Variants in TTC7B observed in about 807,000 individuals in gnomAD.
TTC7B encodes tetratricopeptide repeat domain 7B.
TTC7B carries 28 observed loss-of-function variants against 106.8 expected under a neutral mutation model. The observed-to-expected ratio is 0.26, with a 90% confidence interval of 0.19 to 0.36. The LOEUF (loss-of-function observed/expected upper bound fraction) is 0.36. Among genes scored for constraint, TTC7B ranks in the 10% least tolerant of loss-of-function variants. The pLI, the probability that TTC7B is intolerant of heterozygous loss-of-function variation, is 1.00. For missense variants in TTC7B, 862 were observed against 1,076.4 expected (o/e 0.80, Z 2.79); for synonymous variants, 405 against 430.6 (o/e 0.94, Z 0.74).
At chr14:90,571,200 C>T (rs1891020900) in intron 19 of TTC7B, among the ~76,000 whole-genome samples, 1 of 152,166 alleles carries the variant, frequency 6.6e-6, no homozygotes, top group Admixed American at 6.5e-5. Context: ...AAAGGTAATC[C>T]TTAAGCCAAG....
At chr14:90,628,790 T>A (rs1322442061) in intron 15 of TTC7B, among the ~76,000 whole-genome samples, 1 of 152,244 alleles carries the variant, frequency 6.6e-6, no homozygotes, top group Admixed American at 6.5e-5. Context: ...ATTTCCTGCC[T>A]TCTCTGCCTT....
At chr14:90,581,624 G>A (rs1891493262) in intron 18 of TTC7B, among the ~76,000 whole-genome samples, 1 of 152,140 alleles carries the variant, frequency 6.6e-6, no homozygotes, top group Non-Finnish European at 1.5e-5. Context: ...TCCTGGAGAT[G>A]CTGTGGGCTG....
intron 4 of TTC7B, among the ~76,000 whole-genome samples, chr14:90,738,053 C>T (rs1889614091): frequency 6.6e-6 from 1 of 152,038 alleles, no homozygotes; most frequent in African/African-American, 2.4e-5. Context: ...ATGTTAAAAA[C>T]CACTGTACAA....
At chr14:90,779,001 G>C (rs1891123520) in intron 3 of TTC7B, among the ~76,000 whole-genome samples, 1 of 152,220 alleles carries the variant, frequency 6.6e-6, no homozygotes, top group Admixed American at 6.5e-5. Flanking sequence ...ATCTCAGCCA[G>C]AAAGTGCTGG....
intron 3 of TTC7B, among the ~76,000 whole-genome samples, chr14:90,758,390 A>C (rs1483979567): frequency 2.7e-5 from 3 of 109,286 alleles, no homozygotes; most frequent in Admixed American, 9.3e-5. Context: ...GAGACGGGGC[A>C]AGAGAGTGGG....
rs545487668 is a variant in TTC7B at position 90,752,971 on chromosome 14, C to G, written c.446-8049G>C. ...AAGAACTGCATCACCCTAGGCAATTCCCCAGATCGCTGGGCCTCCTATTCT... is the reference window on the plus strand; with the variant it reads ...AAGAACTGCATCACCCTAGGCAATTGCCCAGATCGCTGGGCCTCCTATTCT... On this transcript the variant is annotated intron_variant, in intron 3 of 19. Coordinates refer to ENST00000328459, the MANE Select transcript of TTC7B (RefSeq NM_001010854.2). Among the ~76,000 whole-genome samples the G allele has an allele frequency of 2.0e-5, 3 of 152,316 alleles. No homozygotes were observed. In the South Asian group the frequency reaches 6.2e-4, roughly 32 times the overall value.
At chr14:90,556,915 CGGG>C (rs952685454) in intron 19 of TTC7B, among the ~76,000 whole-genome samples, 1 of 152,074 alleles carries the variant, frequency 6.6e-6, no homozygotes, top group Non-Finnish European at 1.5e-5. Context: ...AGCCAGGGAA[CGGG>C]GGGGACATGG....
At chr14:90,636,205 C>G (rs1040084822) in intron 15 of TTC7B, among the ~76,000 whole-genome samples, 1 of 151,494 alleles carries the variant, frequency 6.6e-6, no homozygotes, top group Non-Finnish European at 1.5e-5. Flanking sequence ...TGTATACTCA[C>G]ACACATGCAC....
At chr14:90,652,989 G>T (rs1595248569) in intron 12 of TTC7B, 91 bp from the exon 13 acceptor site, 3 of 1,350,692 alleles carry the variant, frequency 2.2e-6, no homozygotes, top group Non-Finnish European at 3.2e-6. Flanking sequence ...CATTCAACTG[G>T]ATTAAAAGCA....
rs1008834348 is a variant in TTC7B, at chr14:90,552,825, C to T, written c.2311-11236G>A. 2.0e-5 allele frequency among the ~76,000 whole-genome samples: 3 copies of T among 152,194 alleles called. No homozygotes were observed. In the South Asian group the frequency reaches 6.2e-4, roughly 32 times the overall value. On this transcript the variant is annotated intron_variant, in intron 19 of 19. Transcript: ENST00000328459. The stretch of plus-strand genomic sequence containing the variant: ...TCGAACACGGAAGGCAAATCTCCTC[C>T]AGTCCCCATGGCTGCCACCTCCCTG...
intron 5 of TTC7B, among the ~76,000 whole-genome samples, chr14:90,703,651 G>T (rs751671146): frequency 2.0e-5 from 3 of 152,238 alleles, no homozygotes; most frequent in Non-Finnish European, 4.4e-5. Context: ...AGCCAAGCAG[G>T]TAGCAGAGGT....
Position 90,657,310 on chromosome 14 carries a change from C to CA in TTC7B, c.1237-33dup, listed in dbSNP as rs1566821937. The CA allele has an allele frequency of 5.0e-6, 8 of 1,605,834 alleles. No individual in the cohort carries two copies. Among genetic ancestry groups the CA allele is most frequent in the Non-Finnish European group, 6.8e-6 (8 of 1,175,986 alleles). On this transcript the variant is annotated intron_variant, in intron 10 of 19. Transcript: ENST00000328459. This position sits in a 1 kb window ranked among gnomAD's most constrained non-coding sequence, Gnocchi z 4.2. Reference sequence around the variant, plus strand: ...AAGAGAAGATTATTTCCGTGAAACTCAAAGTGTTTGACAGAACCGAATACT... The same window carrying CA: ...AAGAGAAGATTATTTCCGTGAAACTCAAAAGTGTTTGACAGAACCGAATACT...
At position 90,632,482 on chromosome 14, in the gene TTC7B, G is replaced by A. The variant is rs1293185396; in HGVS notation, c.1751+11566C>T. Among the ~76,000 whole-genome samples the A allele has an allele frequency of 3.9e-5, 6 of 152,168 alleles. No homozygotes were observed. In the East Asian group the frequency reaches 1.2e-3, roughly 29 times the overall value. ...AAAATTATATGTATACTCCACTCAA[G>A]TAAAGAATGATTATAACTATGTTTC... On this transcript the variant is annotated intron_variant, in intron 15 of 19. Transcript: ENST00000328459.
At chr14:90,758,323 CGGCGGGGCGG>C (rs1215994490) in intron 3 of TTC7B, among the ~76,000 whole-genome samples, 4 of 117,578 alleles carry the variant, frequency 3.4e-5, no homozygotes, top group South Asian at 3.2e-4. Context: ...GGCTCCAGGA[CGGCGGGGCGG>C]GGCGGGGCGG....
chr14:90,754,769 C>T (rs1890237093), intron 3 of TTC7B, among the ~76,000 whole-genome samples: 1 of 151,796 alleles, frequency 6.6e-6, no homozygotes, highest in African/African-American at 2.4e-5. Context: ...AACCGCCAAT[C>T]TGCTTTCTGT....
At position 90,539,368 on chromosome 14, in the gene TTC7B, G is replaced by A. The variant is rs113277611; in HGVS notation, c.*2000C>T. On this transcript the variant is annotated 3_prime_UTR_variant, in exon 20 of 20. Coordinates refer to ENST00000328459, the MANE Select transcript of TTC7B (RefSeq NM_001010854.2). ...CCTCCCTTCCTGGTCCTGATCCAGT[G>A]GGCCTTGCCCCACGCTCCCGCATGG... 6.4e-3 allele frequency: 978 copies of A among 152,712 alleles called. 8 individuals carry two copies. The highest frequency in any genetic ancestry group is 0.015 in the African/African-American group (640 of 41,588). 9.5% of individuals were successfully genotyped at this position (152,712 alleles called of 1,614,324 possible). A position where few individuals can be genotyped will look rare whatever the true frequency, so the allele number is the denominator to read the frequency against.
At position 90,647,340 on chromosome 14, in the gene TTC7B, C is replaced by T. The variant is rs558653985; in HGVS notation, c.1518-317G>A. On this transcript the variant is annotated intron_variant, in intron 13 of 19. Coordinates refer to ENST00000328459, the MANE Select transcript of TTC7B (RefSeq NM_001010854.2). ...AGGCCCTGAGGTCTGATCTCCCCAG[C>T]AGATGGGTCTCTGTGTCGTGCTGGG... 2.8e-5 allele frequency: 8 copies of T among 282,134 alleles called. No individual in the cohort carries two copies. The Admixed American group carries it at 2.9e-4, about 10-fold the overall frequency. The allele number at this position is 282,134 out of a possible 1,614,324, so 17.5% of individuals were successfully genotyped here.
rs962026686 is a variant in TTC7B, at chr14:90,812,653, A to G, written c.121+3522T>C. The stretch of plus-strand genomic sequence containing the variant: ...ACCCCCACCCTTAACTTAGGTGACC[A>G]TTCTCTCAGTGGGACTCACCCGGGT... On this transcript the variant is annotated intron_variant, in intron 1 of 19. Transcript: ENST00000328459. Among the ~76,000 whole-genome samples, 3 of 146,560 alleles carry G rather than the reference A, an allele frequency of 2.0e-5. No homozygotes were observed. The South Asian group carries it at 6.5e-4, about 32-fold the overall frequency.
chr14:90,719,946 C>T (rs950895575), intron 5 of TTC7B, among the ~76,000 whole-genome samples: 3 of 152,022 alleles, frequency 2.0e-5, no homozygotes, highest in Admixed American at 6.5e-5. Context: ...GGCCCACATG[C>T]GACCCAGGAT....
Sources: gnomAD v4.1 joint callset for allele counts (sites outside exome capture counted in the v4.1 genomes callset) on GRCh38, gnomAD v4.1.1 for gene constraint, Gnocchi (gnomAD v3.1) non-coding constraint, MANE v1.5 for transcripts, NCBI Gene and HGNC (gene_info 2026-07-23, HGNC 2026-07-21) for gene names.